Variants in RBFOX3 observed in about 807,000 individuals in gnomAD.
RBFOX3 encodes RNA binding protein fox-1 homolog 3.
In RBFOX3, 17 loss-of-function variants were observed where a neutral mutation model predicts 48.7. That is an observed-to-expected ratio of 0.35 (90% CI 0.24 to 0.52). RBFOX3 has a LOEUF of 0.52. Ranked by LOEUF, RBFOX3 falls within the 20% of genes least tolerant of loss-of-function variation. The pLI, the probability that RBFOX3 is intolerant of heterozygous loss-of-function variation, is 0.94. For missense variants in RBFOX3, 382 were observed against 497.5 expected, an observed-to-expected ratio of 0.77 and a Z score of 2.21; for synonymous variants, 212 against 209.5, an observed-to-expected ratio of 1.01 and a Z score of -0.10.
chr17:79,232,906 G>C (rs537970497), intron 4 of RBFOX3, among the ~76,000 whole-genome samples: 12 of 152,188 alleles, frequency 7.9e-5, no homozygotes, highest in African/African-American at 2.7e-4. Context: ...TCTCACCCAC[G>C]ACTGGTGGGA....
chr17:79,434,155 G>A (rs1210799870), intron 2 of RBFOX3, among the ~76,000 whole-genome samples: 1 of 152,230 alleles, frequency 6.6e-6, no homozygotes, highest in Non-Finnish European at 1.5e-5. Flanking sequence ...ACGCTTTGTA[G>A]TGTGAGAGCT....
Position 79,535,083 on chromosome 17 carries a change from C to A in RBFOX3, c.-319-52485G>T, listed in dbSNP as rs1282594800. Among the ~76,000 whole-genome samples, 2 of 152,240 alleles carry A rather than the reference C, an allele frequency of 1.3e-5. No individual in the cohort carries two copies. Among genetic ancestry groups the A allele is most frequent in the Admixed American group, 1.3e-4 (2 of 15,288 alleles). ...TGAAGCCACGAGGAAGCGTGCCAGT[C>A]ACATGACGGGAAGTCCAGGCTGTGG... On this transcript the variant is annotated intron_variant, in intron 1 of 14. Transcript: ENST00000693108. This position sits in a 1 kb window ranked among gnomAD's most constrained non-coding sequence, Gnocchi z 4.5.
intron 12 of RBFOX3, 21 bp from the exon 13 acceptor site, chr17:79,095,595 G>A: frequency 6.5e-7 from 1 of 1,548,780 alleles, no homozygotes; most frequent in Non-Finnish European, 8.7e-7. Flanking sequence ...AGTGGGAGGA[G>A]AGAGAGCAGA....
At chr17:79,093,793 A>C (rs1466272545) in intron 14 of RBFOX3, among the ~76,000 whole-genome samples, 3 of 67,798 alleles carry the variant, frequency 4.4e-5, no homozygotes, top group Admixed American at 1.2e-4. Context: ...ACAGCTGGCC[A>C]CACACACACA....
intron 1 of RBFOX3, among the ~76,000 whole-genome samples, chr17:79,531,625 C>T (rs1206898671): frequency 2.0e-5 from 3 of 152,214 alleles, no homozygotes; most frequent in East Asian, 1.9e-4. Context: ...CCTCTAAGGC[C>T]GGTCCCAACA....
At chr17:79,173,269 C>T (rs1329468589) in intron 4 of RBFOX3, among the ~76,000 whole-genome samples, 2 of 136,072 alleles carry the variant, frequency 1.5e-5, no homozygotes, top group South Asian at 2.4e-4. Context: ...GTAAACTTCC[C>T]TGTGACAAGC....
intron 3 of RBFOX3, among the ~76,000 whole-genome samples, chr17:79,265,674 C>G (rs561236682): frequency 6.6e-6 from 1 of 152,330 alleles, no homozygotes; most frequent in East Asian, 1.9e-4. Context: ...GCTTAGTTTC[C>G]GAATGCCTTT....
chr17:79,108,646 G>A (rs1335963554), intron 5 of RBFOX3, among the ~76,000 whole-genome samples: 1 of 152,230 alleles, frequency 6.6e-6, no homozygotes, highest in African/African-American at 2.4e-5. Flanking sequence ...TCCGGCTGTC[G>A]CCGCCCCCAG....
Position 79,390,433 on chromosome 17 carries a change from C to T in RBFOX3, c.-174-82609G>A, listed in dbSNP as rs1332505446. Among the ~76,000 whole-genome samples the T allele has an allele frequency of 6.6e-6, 1 of 151,986 alleles. No homozygotes were observed. The highest frequency in any genetic ancestry group is 2.4e-5 in the African/African-American group (1 of 41,380). ...CTGCCCACTTTGGTGCTGGAAAATGCACTCAGAGTCCAACCGGCGTGGAAA... is the reference window on the plus strand; with the variant it reads ...CTGCCCACTTTGGTGCTGGAAAATGTACTCAGAGTCCAACCGGCGTGGAAA... On this transcript the variant is annotated intron_variant, in intron 2 of 14. Transcript: ENST00000693108. The surrounding 1 kb of genome is among the most constrained non-coding windows in gnomAD (Gnocchi z 4.2).
rs2078881494 is a variant in RBFOX3 at position 79,482,225 on chromosome 17, C to T, written c.-175+229G>A. ...AGCCAGGCTGATGGGCTTCGAGGTA[C>T]AAAGAGCGGTCACTCCTTAAAAATT... On this transcript the variant is annotated intron_variant, in intron 2 of 14. Transcript: ENST00000693108. This position sits in a 1 kb window ranked among gnomAD's most constrained non-coding sequence, Gnocchi z 4.1. Among the ~76,000 whole-genome samples the T allele has an allele frequency of 6.6e-6, 1 of 151,444 alleles. No homozygotes were observed. Among genetic ancestry groups the T allele is most frequent in the Non-Finnish European group, 1.5e-5 (1 of 67,848 alleles).
chr17:79,175,490 G>T (rs2050329699), intron 4 of RBFOX3, among the ~76,000 whole-genome samples: 1 of 152,240 alleles, frequency 6.6e-6, no homozygotes, highest in Non-Finnish European at 1.5e-5. Context: ...CTGGCCGAGG[G>T]TGGGGTGACT....
chr17:79,160,650 CCATT>C (rs111882020), intron 4 of RBFOX3, among the ~76,000 whole-genome samples: 59 of 152,230 alleles, frequency 3.9e-4, no homozygotes, highest in East Asian at 2.5e-3. Context: ...TGGGATTCCC[CCATT>C]CATTCATTCA....
chr17:79,524,577 C>T (rs2086552191), intron 1 of RBFOX3, among the ~76,000 whole-genome samples: 1 of 152,146 alleles, frequency 6.6e-6, no homozygotes, highest in South Asian at 2.1e-4. Flanking sequence ...CTCTTTCCTC[C>T]CTCTACCAAC....
rs367665560 is a variant in RBFOX3 at position 79,400,947 on chromosome 17, A to G, written c.-175+81507T>C. 1.8e-4 allele frequency among the ~76,000 whole-genome samples: 27 copies of G among 152,342 alleles called. No individual in the cohort carries two copies. In the East Asian group the frequency reaches 4.8e-3, roughly 27 times the overall value. ...GGATGTGTCTACAGACAGCCTAGCT[A>G]GCATCCCTGTGCCAAGAGATCCTCC... On this transcript the variant is annotated intron_variant, in intron 2 of 14. Coordinates refer to ENST00000693108, the MANE Select transcript of RBFOX3 (RefSeq NM_001350451.2).
the RBFOX3 span, among the ~76,000 whole-genome samples, chr17:79,652,024 G>A: frequency 6.6e-6 from 1 of 151,572 alleles, no homozygotes; most frequent in Admixed American, 6.6e-5. Context: ...CCCAGCCCTG[G>A]CAAACATATT....
intron 2 of RBFOX3, among the ~76,000 whole-genome samples, chr17:79,432,266 CAT>C (rs1555728816): frequency 6.6e-6 from 1 of 152,218 alleles, no homozygotes; most frequent in South Asian, 2.1e-4. Flanking sequence ...CGAGTGTGCA[CAT>C]GTCTCGTCCA....
intron 2 of RBFOX3, among the ~76,000 whole-genome samples, chr17:79,369,710 C>T (rs945915937): frequency 1.9e-4 from 29 of 152,284 alleles, no homozygotes; most frequent in African/African-American, 7.0e-4. Context: ...CCTCCCCTCT[C>T]CCTAGAGGGC....
In RBFOX3 at chr17:79,471,181, CT is replaced by C. The variant is rs1216200386; in HGVS notation, c.-175+11272del. 2.0e-5 allele frequency among the ~76,000 whole-genome samples: 3 copies of C among 152,190 alleles called. No homozygotes were observed. Among genetic ancestry groups the C allele is most frequent in the Non-Finnish European group, 4.4e-5 (3 of 68,042 alleles). ...GAGTCCTGGGTCCCCAGCACCCCTC[CT>C]GCTGGAAGAGGCCAGGACACACGAA... On this transcript the variant is annotated intron_variant, in intron 2 of 14. Transcript: ENST00000693108. This position sits in a 1 kb window ranked among gnomAD's most constrained non-coding sequence, Gnocchi z 4.0.
chr17:79,386,772 A>G (rs762177765), intron 2 of RBFOX3, among the ~76,000 whole-genome samples: 5 of 151,910 alleles, frequency 3.3e-5, no homozygotes, highest in Non-Finnish European at 5.9e-5. Flanking sequence ...GCAGGACCAC[A>G]TTTCTGACTA....
Sources: allele counts gnomAD v4.1 joint callset (sites outside exome capture counted in the v4.1 genomes callset), GRCh38; gene constraint gnomAD v4.1.1; non-coding constraint Gnocchi (gnomAD v3.1); transcripts MANE v1.5; gene names NCBI Gene and HGNC (gene_info 2026-07-23, HGNC 2026-07-21).